Variants in CCSER1 observed in about 807,000 individuals in gnomAD.
The protein encoded by CCSER1 is coiled-coil serine rich protein 1, also known as serine-rich coiled-coil domain-containing protein 1.
In CCSER1, 41 loss-of-function variants were observed where a neutral mutation model predicts 82.0. The observed-to-expected ratio is 0.50, with a 90% CI of 0.39 to 0.65. CCSER1 has a LOEUF of 0.65. Ranked by LOEUF, CCSER1 falls within the 30% of genes least tolerant of loss-of-function variation. CCSER1 has a pLI of 0.00. For missense variants in CCSER1, 1,119 were observed against 1,064.2 expected, an observed-to-expected ratio of 1.05 and a Z score of -0.72; for synonymous variants, 414 against 383.9, an observed-to-expected ratio of 1.08 and a Z score of -0.92.
intron 10 of CCSER1, among the ~76,000 whole-genome samples, chr4:91,264,458 T>C (rs1741422741): frequency 4.6e-5 from 7 of 151,892 alleles, no homozygotes; most frequent in Admixed American, 4.6e-4. Context: ...GCTTGTTCTT[T>C]AATAAAACAG....
chr4:91,395,475 C>T (rs1008138887), intron 10 of CCSER1, among the ~76,000 whole-genome samples: 4 of 152,016 alleles, frequency 2.6e-5, no homozygotes, highest in Admixed American at 6.6e-5. Context: ...AGTACCTTAT[C>T]TTGGAAATGA....
chr4:90,493,465 A>G (rs1395592858), intron 5 of CCSER1, among the ~76,000 whole-genome samples: 2 of 152,184 alleles, frequency 1.3e-5, no homozygotes, highest in Non-Finnish European at 2.9e-5. Flanking sequence ...TAATGGTCAG[A>G]TTCACCAAAG....
At chr4:90,868,431 A>C (rs1450400412) in intron 8 of CCSER1, among the ~76,000 whole-genome samples, 1 of 152,046 alleles carries the variant, frequency 6.6e-6, no homozygotes, top group Non-Finnish European at 1.5e-5. Context: ...TAGCTCTCAC[A>C]AATAGGTGGG....
intron 8 of CCSER1, among the ~76,000 whole-genome samples, chr4:90,917,865 A>G (rs574288651): frequency 1.6e-4 from 25 of 152,166 alleles, no homozygotes; most frequent in African/African-American, 5.1e-4. Context: ...TTACTTTTCA[A>G]TTTGAAAAGT....
At chr4:90,449,866 G>A (rs1316445892) in intron 4 of CCSER1, among the ~76,000 whole-genome samples, 1 of 152,196 alleles carries the variant, frequency 6.6e-6, no homozygotes, top group Non-Finnish European at 1.5e-5. Context: ...TTACCAAGGA[G>A]GGTGAGGCTC....
At chr4:91,141,444 G>A (rs1371488790) in intron 10 of CCSER1, among the ~76,000 whole-genome samples, 1 of 152,142 alleles carries the variant, frequency 6.6e-6, no homozygotes, top group Non-Finnish European at 1.5e-5. Context: ...GAACCACCAT[G>A]CCTGGCCCAA....
intron 10 of CCSER1, among the ~76,000 whole-genome samples, chr4:91,195,998 G>A (rs1037371393): frequency 2.6e-5 from 4 of 152,074 alleles, no homozygotes; most frequent in East Asian, 3.9e-4. Flanking sequence ...GATTACAGGC[G>A]TGACACGGTG....
At chr4:91,575,824 G>T (rs1488934231) in intron 10 of CCSER1, among the ~76,000 whole-genome samples, 1 of 151,746 alleles carries the variant, frequency 6.6e-6, no homozygotes, top group African/African-American at 2.4e-5. Flanking sequence ...ATTTTAGAAT[G>T]ACTATTATAA....
At chr4:91,347,965 T>C (rs1414600131) in intron 10 of CCSER1, among the ~76,000 whole-genome samples, 1 of 152,060 alleles carries the variant, frequency 6.6e-6, no homozygotes, top group African/African-American at 2.4e-5. Context: ...ACTTTTTATT[T>C]CCTTTTTTGT....
intron 3 of CCSER1, among the ~76,000 whole-genome samples, chr4:90,321,219 T>C (rs1235542475): frequency 6.6e-6 from 1 of 152,164 alleles, no homozygotes; most frequent in African/African-American, 2.4e-5. Flanking sequence ...CCTCCAACTC[T>C]TTCCAGCTCC....
chr4:90,262,782 CCT>C (rs1413404668), intron 1 of CCSER1, among the ~76,000 whole-genome samples: 1 of 152,100 alleles, frequency 6.6e-6, no homozygotes, highest in Admixed American at 6.6e-5. Context: ...CACTCCTGCC[CCT>C]GTGTTCTGGC....
chr4:90,376,200 T>C (rs1005157928), intron 3 of CCSER1, among the ~76,000 whole-genome samples: 1 of 152,188 alleles, frequency 6.6e-6, no homozygotes, highest in Admixed American at 6.6e-5. Context: ...TGCCTGTGGT[T>C]ACTCAGGGGA....
intron 10 of CCSER1, among the ~76,000 whole-genome samples, chr4:91,591,587 GCTA>G (rs973790031): frequency 3.9e-5 from 6 of 151,986 alleles, no homozygotes; most frequent in African/African-American, 1.4e-4. Flanking sequence ...GGAATATCTT[GCTA>G]CTACTACTAA....
At chr4:91,062,552 C>T (rs1183245020) in intron 9 of CCSER1, among the ~76,000 whole-genome samples, 1 of 152,028 alleles carries the variant, frequency 6.6e-6, no homozygotes, top group African/African-American at 2.4e-5. Flanking sequence ...CCCTGGAGTG[C>T]TGATTTGGAC....
At chr4:90,408,413 C>T (rs1018603178) in intron 4 of CCSER1, among the ~76,000 whole-genome samples, 4 of 152,138 alleles carry the variant, frequency 2.6e-5, no homozygotes, top group Admixed American at 6.5e-5. Context: ...CTCACACGGC[C>T]GGATACTCCT....
At chr4:91,452,503 A>G (rs1312101967) in intron 10 of CCSER1, among the ~76,000 whole-genome samples, 4 of 152,082 alleles carry the variant, frequency 2.6e-5, no homozygotes, top group Non-Finnish European at 5.9e-5. Context: ...GGCAAAGCAC[A>G]TATGTCAAGC....
At chr4:91,200,184 AT>A (rs55732916) in intron 10 of CCSER1, among the ~76,000 whole-genome samples, 96,947 of 151,648 alleles carry the variant, frequency 0.64, 31,468 homozygotes, top group East Asian at 0.93. Flanking sequence ...TTTTTAGTTG[AT>A]TTTTTTTGTC....
chr4:90,812,707 G>A (rs1758509335), intron 7 of CCSER1, among the ~76,000 whole-genome samples: 1 of 152,248 alleles, frequency 6.6e-6, no homozygotes, highest in East Asian at 1.9e-4. Flanking sequence ...ATTCTGTGTG[G>A]CTGGAGAGGC....
At chr4:90,178,046 C>G (rs1478960226) in intron 1 of CCSER1, among the ~76,000 whole-genome samples, 19 of 152,168 alleles carry the variant, frequency 1.2e-4, no homozygotes, top group Admixed American at 1.0e-3. Context: ...CATTTCTGGT[C>G]TCAAGCATTT....
Sources: allele counts gnomAD v4.1 joint callset (sites outside exome capture counted in the v4.1 genomes callset), GRCh38; gene constraint gnomAD v4.1.1; transcripts MANE v1.5; gene names NCBI Gene and HGNC (gene_info 2026-07-23, HGNC 2026-07-21).